The following HLCS variants were observed in gnomAD, a reference collection of about 807,000 sequenced individuals.
HLCS encodes the protein holocarboxylase synthetase.
A neutral mutation model predicts 75.0 loss-of-function variants in HLCS; 53 were observed. The ratio of observed to expected loss-of-function variants is 0.71; its 90% CI spans 0.57 to 0.89. The LOEUF (loss-of-function observed/expected upper bound fraction) is 0.89. HLCS is among the 40% of genes least tolerant of loss of function. The pLI, the probability that HLCS is intolerant of heterozygous loss-of-function variation, is 0.00. For missense variants in HLCS, 966 were observed against 1,074.0 expected, an observed-to-expected ratio of 0.90 and a Z score of 1.41; for synonymous variants, 431 against 428.6, an observed-to-expected ratio of 1.01 and a Z score of -0.07.
intron 6 of HLCS, among the ~76,000 whole-genome samples, chr21:36,821,932 G>C (rs750330004): frequency 1.3e-5 from 2 of 152,006 alleles, no homozygotes; most frequent in Non-Finnish European, 2.9e-5. Context: ...GAGGGAAGAA[G>C]AGGAGAAACT....
intron 6 of HLCS, among the ~76,000 whole-genome samples, chr21:36,853,962 A>G (rs151135847): frequency 6.6e-6 from 1 of 152,330 alleles, no homozygotes; most frequent in African/African-American, 2.4e-5. Context: ...CAAGCATAAA[A>G]ATGGGTTATA....
intron 2 of HLCS, chr21:36,948,000 G>C: frequency 1.0e-6 from 1 of 985,330 alleles, no homozygotes. Flanking sequence ...TAAAGAATTT[G>C]AAAATACAGG....
chr21:36,754,811 A>G (rs1176662441), intron 10 of HLCS, among the ~76,000 whole-genome samples: 2 of 152,210 alleles, frequency 1.3e-5, no homozygotes, highest in Non-Finnish European at 2.9e-5. Context: ...TTTATCTTAT[A>G]AAACAAAGTT....
chr21:36,932,087 G>C (rs2066673330), intron 4 of HLCS, among the ~76,000 whole-genome samples: 1 of 152,196 alleles, frequency 6.6e-6, no homozygotes, highest in South Asian at 2.1e-4. Flanking sequence ...GTAGTACCCT[G>C]AGCTTCCTGG....
chr21:36,935,475 G>C (rs2066837729), intron 4 of HLCS, among the ~76,000 whole-genome samples: 1 of 152,006 alleles, frequency 6.6e-6, no homozygotes, highest in Admixed American at 6.6e-5. Context: ...AAAAAGACAA[G>C]GCATTACAAA....
intron 6 of HLCS, chr21:36,804,031 C>G (rs2236434): frequency 0.29 from 44,398 of 152,240 alleles, 6,673 homozygotes; most frequent in South Asian, 0.32. Flanking sequence ...AGCACTCTCC[C>G]ATCTGCCAGG....
chr21:36,776,346 C>G (rs1328396879), intron 6 of HLCS, among the ~76,000 whole-genome samples: 1 of 152,156 alleles, frequency 6.6e-6, no homozygotes, highest in Middle Eastern at 3.2e-3. Context: ...CTTCCTAAAA[C>G]CCAGGGTTTA....
At chr21:36,945,378 C>G (rs79811784) in intron 2 of HLCS, among the ~76,000 whole-genome samples, 5,914 of 152,116 alleles carry the variant, frequency 0.039, 242 homozygotes, top group African/African-American at 0.11. Flanking sequence ...GCATTATTCA[C>G]AATAGCCAAA....
intron 6 of HLCS, among the ~76,000 whole-genome samples, chr21:36,881,553 C>CGTGTT (rs2064216234): frequency 1.3e-5 from 2 of 152,210 alleles, no homozygotes; most frequent in Non-Finnish European, 2.9e-5. Context: ...ACACATATTC[C>CGTGTT]GTGTTGATGG....
At chr21:36,874,733 C>T (rs944610201) in intron 6 of HLCS, among the ~76,000 whole-genome samples, 2 of 152,208 alleles carry the variant, frequency 1.3e-5, no homozygotes. Flanking sequence ...TGCTGCACTC[C>T]ATGGAGCTAA....
chr21:36,970,524 C>A (rs1399921655), upstream of HLCS, among the ~76,000 whole-genome samples: 1 of 152,132 alleles, frequency 6.6e-6, no homozygotes, highest in Non-Finnish European at 1.5e-5. Context: ...CATGCCACCA[C>A]ACCTGGCTAA....
chr21:36,984,314 G>A (rs936595817), intron 1 of HLCS, among the ~76,000 whole-genome samples: 2 of 151,932 alleles, frequency 1.3e-5, no homozygotes, highest in East Asian at 1.9e-4. Context: ...AAGTTTATAC[G>A]TTAGGCACAA....
intron 6 of HLCS, among the ~76,000 whole-genome samples, chr21:36,792,489 A>G (rs2060898883): frequency 8.2e-6 from 1 of 122,416 alleles, no homozygotes; most frequent in Non-Finnish European, 1.7e-5. Context: ...GAGGGAAGGG[A>G]TGGAAGGGAA....
intron 6 of HLCS, among the ~76,000 whole-genome samples, chr21:36,837,097 C>T (rs977189523): frequency 6.6e-5 from 10 of 152,130 alleles, no homozygotes; most frequent in African/African-American, 2.2e-4. Flanking sequence ...GCAGAAGAAT[C>T]GCTTGAACCT....
At chr21:36,971,542 G>A (rs947559903), upstream of HLCS, among the ~76,000 whole-genome samples, 1 of 151,980 alleles carries the variant, frequency 6.6e-6, no homozygotes, top group African/African-American at 2.4e-5. Flanking sequence ...CAATTTTCAA[G>A]AGCCGGCTGG....
intron 1 of HLCS, among the ~76,000 whole-genome samples, chr21:36,965,874 C>CA (rs1475597938): frequency 9.9e-5 from 15 of 152,204 alleles, no homozygotes; most frequent in African/African-American, 2.9e-4. Flanking sequence ...CCTCACCCTC[C>CA]AGAGTAGCTG....
intron 2 of HLCS, among the ~76,000 whole-genome samples, chr21:36,958,386 T>C (rs552774123): frequency 6.6e-6 from 1 of 152,312 alleles, no homozygotes; most frequent in East Asian, 1.9e-4. Flanking sequence ...AAGCTTTATT[T>C]TGGAATCTCA....
At chr21:36,811,854 G>A (rs1009408752) in intron 6 of HLCS, among the ~76,000 whole-genome samples, 1 of 152,156 alleles carries the variant, frequency 6.6e-6, no homozygotes, top group Non-Finnish European at 1.5e-5. Flanking sequence ...CTGGCAGCGG[G>A]GGCTGCAGCG....
At position 36,887,013 on chromosome 21, in the gene HLCS, C is replaced by A. The variant is rs112399470; in HGVS notation, c.1892+9847G>T. Among the ~76,000 whole-genome samples the A allele has an allele frequency of 7.9e-3, 1,203 of 152,132 alleles. 15 individuals carry two copies. Among genetic ancestry groups the A allele is most frequent in the African/African-American group, 0.027 (1,141 of 41,498 alleles). On this transcript the variant is annotated intron_variant, in intron 6 of 10. Transcript: ENST00000674895. ...GGTGTGGTGGCACATGCCTGTAATC[C>A]CAGCTGCGCAGGAGGCTGGGGCAGG...
Sources: gnomAD v4.1 joint callset for allele counts (sites outside exome capture counted in the v4.1 genomes callset) on GRCh38, gnomAD v4.1.1 for gene constraint, MANE v1.5 for transcripts, NCBI Gene and HGNC (gene_info 2026-07-23, HGNC 2026-07-21) for gene names.